Variants in TMCO1 observed in about 807,000 individuals in gnomAD.
TMCO1 encodes the protein calcium load-activated calcium channel.
TMCO1 carries 29 observed loss-of-function variants against 29.3 expected under a neutral mutation model. The observed-to-expected ratio is 0.99, with a 90% CI of 0.74 to 1.35. The LOEUF is 1.35. Ranked by LOEUF, TMCO1 falls within the 40% of genes most tolerant of loss-of-function variation. The pLI is 0.00. For missense variants in TMCO1, 173 were observed against 225.5 expected (o/e 0.77, Z 1.49); for synonymous variants, 80 against 77.1 (o/e 1.04, Z -0.20).
chr1:165,759,384 G>C (rs1652315187), intron 3 of TMCO1, 141 bp downstream of exon 3: 2 of 664,024 alleles, frequency 3.0e-6, no homozygotes, highest in Admixed American at 2.5e-5. Flanking sequence ...AATCAAGTGA[G>C]ATAAAGTATG....
intron 5 of TMCO1, among the ~76,000 whole-genome samples, chr1:165,744,963 T>C (rs946562014): frequency 1.3e-4 from 20 of 152,140 alleles, no homozygotes; most frequent in Non-Finnish European, 2.2e-4. Flanking sequence ...AGTCTAACCA[T>C]AGATTTTTTT....
At chr1:165,736,887 G>A (rs1028413230) in intron 6 of TMCO1, among the ~76,000 whole-genome samples, 1 of 152,124 alleles carries the variant, frequency 6.6e-6, no homozygotes, top group Admixed American at 6.5e-5. Context: ...CCACAAACCC[G>A]ATCTCCAGGG....
At chr1:165,748,084 G>A (rs575094404) in intron 5 of TMCO1, among the ~76,000 whole-genome samples, 44 of 152,018 alleles carry the variant, frequency 2.9e-4, no homozygotes, top group African/African-American at 9.9e-4. Context: ...GCTTGAACCC[G>A]GGAGGTGGAG....
chr1:165,760,884 G>T (rs1481378572), intron 2 of TMCO1, among the ~76,000 whole-genome samples: 1 of 152,020 alleles, frequency 6.6e-6, no homozygotes, highest in Admixed American at 6.6e-5. Context: ...AAATGGACTA[G>T]GGATATGTCA....
intron 5 of TMCO1, among the ~76,000 whole-genome samples, chr1:165,745,313 A>G (rs1651755822): frequency 6.9e-6 from 1 of 145,408 alleles, no homozygotes; most frequent in South Asian, 2.2e-4. Context: ...ATGAGCCACC[A>G]CTCTTGGCTT....
chr1:165,752,203 T>TAAA lies in TMCO1; in HGVS notation c.256-37_256-35dup, dbSNP rs60259711. 3.2e-5 allele frequency: 45 copies of TAAA among 1,418,792 alleles called. No individual in the cohort carries two copies. The African/African-American group carries it at 3.5e-4, about 11-fold the overall frequency. The allele number at this position is 1,418,792 out of a possible 1,614,324, so 87.9% of individuals were successfully genotyped here. ...AGACGAACAAATTGTCATTTTACACTAAAAAAAAACACATCTAAAGCATAT... is the reference window on the plus strand; with the variant it reads ...AGACGAACAAATTGTCATTTTACACTAAAAAAAAAAAACACATCTAAAGCATAT... On this transcript the variant is annotated intron_variant, in intron 4 of 6. Coordinates refer to ENST00000367881, the MANE Select transcript of TMCO1 (RefSeq NM_019026.6).
chr1:165,751,054 G>C (rs1007021356), intron 5 of TMCO1, among the ~76,000 whole-genome samples: 2 of 152,150 alleles, frequency 1.3e-5, no homozygotes, highest in Admixed American at 6.5e-5. Context: ...TGGTGACAGA[G>C]AGAGACTCTG....
At chr1:165,724,958 G>A (rs1317422946), downstream of TMCO1, 1 of 442,032 alleles carries the variant, frequency 2.3e-6, no homozygotes, top group Non-Finnish European at 4.5e-6. Flanking sequence ...GTGGAGGATG[G>A]GTTACCTAGG....
chr1:165,752,559 G>A (rs1652042844), intron 4 of TMCO1, among the ~76,000 whole-genome samples: 2 of 151,334 alleles, frequency 1.3e-5, no homozygotes, highest in Admixed American at 1.3e-4. Context: ...CCAGCCTCAC[G>A]TCATTTTTTT....
chr1:165,725,041 TATATATAA>T (rs753229860), downstream of TMCO1: 2,763 of 230,114 alleles, frequency 0.012, 85 homozygotes, highest in Middle Eastern at 0.027. Context: ...TATATATATA[TATATATAA>T]AATAGTGTAT....
At position 165,744,961 on chromosome 1, in the gene TMCO1, C is replaced by A. The variant is rs536727584; in HGVS notation, c.324-1650G>T. Among the ~76,000 whole-genome samples, 8 of 152,048 alleles carry A rather than the reference C, an allele frequency of 5.3e-5. No individual in the cohort carries two copies. In the South Asian group the frequency reaches 1.7e-3, roughly 32 times the overall value. Reference sequence around the variant, plus strand: ...CAAGTCCTTCCCTTCTTAGTCTAACCATAGATTTTTTTCCTTAAAGCATCT... The same window carrying A: ...CAAGTCCTTCCCTTCTTAGTCTAACAATAGATTTTTTTCCTTAAAGCATCT... On this transcript the variant is annotated intron_variant, in intron 5 of 6. Coordinates refer to ENST00000367881, the MANE Select transcript of TMCO1 (RefSeq NM_019026.6).
chr1:165,753,884 A>G (rs73022566), intron 4 of TMCO1, among the ~76,000 whole-genome samples: 2,011 of 152,332 alleles, frequency 0.013, 52 homozygotes, highest in African/African-American at 0.047. Context: ...TCTATACTGG[A>G]ATTACACACA....
At chr1:165,725,899 A>C (rs1225162087), downstream of TMCO1, 1 of 594,040 alleles carries the variant, frequency 1.7e-6, no homozygotes. Flanking sequence ...TTTAATGAAT[A>C]GGGTGAATAG....
At chr1:165,764,176 T>C (rs948197124) in intron 2 of TMCO1, among the ~76,000 whole-genome samples, 1 of 152,250 alleles carries the variant, frequency 6.6e-6, no homozygotes, top group Non-Finnish European at 1.5e-5. Context: ...AGGGATGCCA[T>C]TGCATGCTGC....
At chr1:165,729,386 G>A (rs1224430292) in intron 6 of TMCO1, among the ~76,000 whole-genome samples, 27 of 150,354 alleles carry the variant, frequency 1.8e-4, no homozygotes, top group Non-Finnish European at 1.5e-5. Context: ...GCACGATGTC[G>A]GCTCACAGTA....
chr1:165,768,147 G>A (rs376288967), intron 2 of TMCO1, 45 bp downstream of exon 2: 2 of 1,456,498 alleles, frequency 1.4e-6, no homozygotes, highest in Non-Finnish European at 1.9e-6. Flanking sequence ...TGGACTTAAT[G>A]AGCTTGACGT....
At chr1:165,738,106 G>A (rs187214183) in intron 6 of TMCO1, among the ~76,000 whole-genome samples, 10 of 152,206 alleles carry the variant, frequency 6.6e-5, no homozygotes, top group East Asian at 1.9e-4. Context: ...AAGCCTGGCC[G>A]ACATGGTGAA....
chr1:165,748,100 G>A (rs969920357), intron 5 of TMCO1, among the ~76,000 whole-genome samples: 4 of 151,546 alleles, frequency 2.6e-5, no homozygotes, highest in Non-Finnish European at 5.9e-5. Flanking sequence ...TGGAGGTTAC[G>A]GTGAGCCCAG....
Position 165,752,248 on chromosome 1 carries a change from T to A in TMCO1, c.256-79A>T, listed in dbSNP as rs938760908. The A allele has an allele frequency of 2.9e-6, 3 of 1,051,920 alleles. No homozygotes were observed. In the African/African-American group the frequency reaches 4.9e-5, roughly 17 times the overall value. 65.2% of individuals were successfully genotyped at this position (1,051,920 alleles called of 1,614,324 possible). A position where few individuals can be genotyped will look rare whatever the true frequency, so the allele number is the denominator to read the frequency against. The stretch of plus-strand genomic sequence containing the variant: ...GCATATCTCAAAAGTTTTGGTTTCA[T>A]GTCATTTTTTTTTTTTTTTTTTTTG... On this transcript the variant is annotated intron_variant, in intron 4 of 6. Transcript: ENST00000367881.
Sources: allele counts gnomAD v4.1 joint callset (sites outside exome capture counted in the v4.1 genomes callset), GRCh38; gene constraint gnomAD v4.1.1; transcripts MANE v1.5; gene names NCBI Gene and HGNC (gene_info 2026-07-23, HGNC 2026-07-21).